CIB4: variants seen among roughly 807,000 people sequenced by gnomAD.
CIB4 encodes the protein calcium and integrin binding family member 4.
Under a neutral mutation model 25.8 loss-of-function variants are expected in CIB4, and 25 were observed. The observed-to-expected ratio is 0.97, with a 90% CI of 0.71 to 1.35. The LOEUF (loss-of-function observed/expected upper bound fraction) is 1.35. CIB4 is among the 40% of genes most tolerant of loss of function. The pLI is 0.00. For missense variants in CIB4, 235 were observed against 228.2 expected (o/e 1.03, Z -0.19); for synonymous variants, 75 against 81.4 (o/e 0.92, Z 0.42).
At chr2:26,615,634 A>T (rs1191847984) in intron 3 of CIB4, among the ~76,000 whole-genome samples, 1 of 152,164 alleles carries the variant, frequency 6.6e-6, no homozygotes, top group Non-Finnish European at 1.5e-5. Flanking sequence ...CACCTGTGGG[A>T]GGTGCTATCA....
At chr2:26,610,507 C>G (rs1050577736) in intron 3 of CIB4, among the ~76,000 whole-genome samples, 1 of 152,200 alleles carries the variant, frequency 6.6e-6, no homozygotes, top group African/African-American at 2.4e-5. Flanking sequence ...GCTTTCTGTT[C>G]TTCTCTCTCC....
intron 3 of CIB4, among the ~76,000 whole-genome samples, chr2:26,626,400 CAA>C (rs34258205): frequency 0.094 from 11,930 of 127,434 alleles, 647 homozygotes; most frequent in Admixed American, 0.23. Flanking sequence ...AAGCAACATA[CAA>C]AAAAAAAAAA....
At chr2:26,632,619 A>T (rs1463229504) in intron 2 of CIB4, among the ~76,000 whole-genome samples, 1 of 152,058 alleles carries the variant, frequency 6.6e-6, no homozygotes, top group Non-Finnish European at 1.5e-5. Context: ...TTAGCCCAGC[A>T]TGGTGGCGCG....
At chr2:26,589,123 T>C (rs1009121778) in intron 4 of CIB4, among the ~76,000 whole-genome samples, 8 of 129,044 alleles carry the variant, frequency 6.2e-5, no homozygotes, top group African/African-American at 2.1e-4. Flanking sequence ...CTTCTTCTTC[T>C]TCTTCTTCTT....
intron 2 of CIB4, among the ~76,000 whole-genome samples, chr2:26,639,807 T>C (rs781081982): frequency 2.0e-5 from 3 of 152,122 alleles, no homozygotes; most frequent in East Asian, 1.9e-4. Flanking sequence ...GCAAAGATGA[T>C]GAGAGGGAAC....
intron 3 of CIB4, chr2:26,605,423 C>T (rs1668869910): frequency 2.2e-6 from 1 of 459,200 alleles, no homozygotes; most frequent in Non-Finnish European, 4.5e-6. Flanking sequence ...CTGCAAGTGG[C>T]TGCCCGGAGG....
intron 3 of CIB4, among the ~76,000 whole-genome samples, chr2:26,619,050 C>T (rs764151409): frequency 2.0e-5 from 3 of 152,206 alleles, no homozygotes; most frequent in Non-Finnish European, 4.4e-5. Flanking sequence ...CATCGGCCCC[C>T]ATGACCGAAC....
At chr2:26,613,735 G>C (rs1296148711) in intron 3 of CIB4, among the ~76,000 whole-genome samples, 1 of 152,220 alleles carries the variant, frequency 6.6e-6, no homozygotes, top group East Asian at 1.9e-4. Flanking sequence ...TCCTGGAGTT[G>C]TATCCGGTGC....
At chr2:26,583,939 G>T in intron 4 of CIB4, 41 bp from the exon 5 acceptor site, 1 of 1,314,820 alleles carries the variant, frequency 7.6e-7, no homozygotes, top group Non-Finnish European at 1.1e-6. Context: ...CGGAGCTGGG[G>T]GCTAAACAGG....
Position 26,584,008 on chromosome 2 carries a change from T to C in CIB4, c.329-110A>G, listed in dbSNP as rs913917430. 13 of 693,888 alleles carry C rather than the reference T, an allele frequency of 1.9e-5. No individual in the cohort carries two copies. In the African/African-American group the frequency reaches 2.3e-4, roughly 12 times the overall value. 43.0% of individuals were successfully genotyped at this position (693,888 alleles called of 1,614,324 possible). ...CCAGCCAGGACCCCACAGATGCCCA[T>C]TAGCCTCTGGGAGGCCCCCCAGAGC... On this transcript the variant is annotated intron_variant, in intron 4 of 6. Coordinates refer to ENST00000288861, the MANE Select transcript of CIB4 (RefSeq NM_001029881.3).
At chr2:26,617,032 T>TC (rs1272150941) in intron 3 of CIB4, among the ~76,000 whole-genome samples, 1 of 151,616 alleles carries the variant, frequency 6.6e-6, no homozygotes, top group African/African-American at 2.4e-5. Context: ...ACTCCCAGCC[T>TC]CCCCCACTGC....
intron 3 of CIB4, among the ~76,000 whole-genome samples, chr2:26,615,080 T>C (rs1163097355): frequency 2.0e-5 from 3 of 152,184 alleles, no homozygotes. Flanking sequence ...GTTCCAGCCC[T>C]GGCCGCATAC....
At chr2:26,608,252 A>C (rs1668930276) in intron 3 of CIB4, among the ~76,000 whole-genome samples, 2 of 151,754 alleles carry the variant, frequency 1.3e-5, no homozygotes. Context: ...AAAAAAAAAA[A>C]AAAAAGGAGA....
intron 3 of CIB4, among the ~76,000 whole-genome samples, chr2:26,623,965 C>T (rs901312429): frequency 2.0e-5 from 3 of 152,310 alleles, no homozygotes; most frequent in Non-Finnish European, 4.4e-5. Flanking sequence ...CTTTTAAATA[C>T]ACCAAATCCA....
intron 2 of CIB4, among the ~76,000 whole-genome samples, chr2:26,631,235 G>A (rs921081941): frequency 6.6e-6 from 1 of 152,146 alleles, no homozygotes; most frequent in African/African-American, 2.4e-5. Context: ...AGCCCTTCAG[G>A]AGGCTGAGGC....
chr2:26,626,862 T>C (rs1669319934), intron 3 of CIB4, among the ~76,000 whole-genome samples: 2 of 151,916 alleles, frequency 1.3e-5, no homozygotes, highest in South Asian at 4.1e-4. Flanking sequence ...TCCTCACCCA[T>C]GACATGGAAG....
At chr2:26,630,976 A>G (rs1167843108) in intron 2 of CIB4, among the ~76,000 whole-genome samples, 1 of 151,904 alleles carries the variant, frequency 6.6e-6, no homozygotes, top group African/African-American at 2.4e-5. Context: ...GGTCCCCTCC[A>G]TGCTCCAAAA....
intron 4 of CIB4, among the ~76,000 whole-genome samples, chr2:26,591,723 A>G (rs757678064): frequency 6.6e-6 from 1 of 152,166 alleles, no homozygotes; most frequent in South Asian, 2.1e-4. Context: ...GCTGTCTTTT[A>G]TGACTCCATC....
At chr2:26,614,847 C>T (rs1407576670) in intron 3 of CIB4, among the ~76,000 whole-genome samples, 1 of 152,196 alleles carries the variant, frequency 6.6e-6, no homozygotes, top group African/African-American at 2.4e-5. Flanking sequence ...GAGCAACTTG[C>T]CCGGAAGCCT....
Sources: allele counts gnomAD v4.1 joint callset (sites outside exome capture counted in the v4.1 genomes callset), GRCh38; gene constraint gnomAD v4.1.1; transcripts MANE v1.5; gene names NCBI Gene and HGNC (gene_info 2026-07-23, HGNC 2026-07-21).